The following MYLK variants were observed in gnomAD, a reference collection of about 807,000 sequenced individuals.
The protein encoded by MYLK is myosin light chain kinase, also known as myosin light chain kinase, smooth muscle.
In MYLK, 106 loss-of-function variants were observed where a neutral mutation model predicts 203.4. The observed-to-expected ratio is 0.52, with a 90% confidence interval of 0.45 to 0.61. The LOEUF (loss-of-function observed/expected upper bound fraction) is 0.61. MYLK is among the 20% of genes least tolerant of loss of function. The pLI is 0.00. For missense variants in MYLK, 2,072 were observed against 2,442.3 expected (o/e 0.85, Z 3.20); for synonymous variants, 867 against 959.5 (o/e 0.90, Z 1.78).
chr3:123,812,681 T>C (rs1204074371), intron 3 of MYLK, among the ~76,000 whole-genome samples: 1 of 152,232 alleles, frequency 6.6e-6, no homozygotes, highest in Admixed American at 6.5e-5. Context: ...GATGTCTCTT[T>C]ACTTTGGAAA....
At chr3:123,657,880 C>A (rs1435038821) in intron 23 of MYLK, among the ~76,000 whole-genome samples, 3 of 152,230 alleles carry the variant, frequency 2.0e-5, no homozygotes, top group Non-Finnish European at 4.4e-5. Flanking sequence ...GGTCTGCCTC[C>A]ACTTTCTCTG....
At chr3:123,734,271 T>C (rs2062599589) in intron 9 of MYLK, 49 bp from the exon 10 acceptor site, 1 of 1,457,166 alleles carries the variant, frequency 6.9e-7, no homozygotes, top group South Asian at 1.4e-5. Context: ...GAGGGGAGAA[T>C]AGAATGATCA....
intron 2 of MYLK, among the ~76,000 whole-genome samples, chr3:123,873,470 C>A (rs998218950): frequency 6.6e-6 from 1 of 151,560 alleles, no homozygotes; most frequent in African/African-American, 2.4e-5. Flanking sequence ...AAAATAAAGG[C>A]AAAGAAATTG....
At chr3:123,663,551 G>A (rs1198079740) in intron 23 of MYLK, among the ~76,000 whole-genome samples, 2 of 152,184 alleles carry the variant, frequency 1.3e-5, no homozygotes, top group African/African-American at 4.8e-5. Flanking sequence ...ATCTGGCTAA[G>A]ATGGCGACAC....
intron 3 of MYLK, among the ~76,000 whole-genome samples, chr3:123,811,238 G>A (rs531823613): frequency 4.3e-4 from 65 of 152,254 alleles, no homozygotes; most frequent in South Asian, 1.5e-3. Context: ...ATTTGCACTC[G>A]GGGTGAGGGA....
In MYLK at chr3:123,734,082, G is replaced by A. The variant is rs1431655501; in HGVS notation, c.914C>T (p.Ser305Phe). 8.1e-6 allele frequency: 13 copies of A among 1,612,448 alleles called. No individual in the cohort carries two copies. Among genetic ancestry groups the A allele is most frequent in the East Asian group, 4.5e-5 (2 of 44,840 alleles). Residue 305 changes from serine to phenylalanine, a missense_variant, in exon 10 of 34, where the codon TCC (serine) becomes TTC (phenylalanine). Ser to Phe is a radical substitution (Grantham distance 155). Transcript: ENST00000360304. ...KNCSSPQRGGSPPWAANSQPQ... is the reference protein window; with the variant it reads ...KNCSSPQRGGFPPWAANSQPQ... Reference sequence around the variant, plus strand: ...CTGGCTGTTTGCAGCCCAGGGTGGGGAGCCACCTCTCTGGGGGCTGGAGCA... The same window carrying A: ...CTGGCTGTTTGCAGCCCAGGGTGGGAAGCCACCTCTCTGGGGGCTGGAGCA...
chr3:123,733,554 T>G, intron 10 of MYLK, 133 bp downstream of exon 10: 1 of 1,082,402 alleles, frequency 9.2e-7, no homozygotes. Flanking sequence ...CCTTGTAAGG[T>G]GGTTTTCTAG....
intron 30 of MYLK, among the ~76,000 whole-genome samples, chr3:123,627,242 G>A (rs923806600): frequency 3.3e-5 from 5 of 152,194 alleles, no homozygotes; most frequent in Admixed American, 2.6e-4. Flanking sequence ...CAGGGCAGAC[G>A]TTTCTGGGAT....
chr3:123,701,155 G>A, intron 17 of MYLK, 150 bp from the exon 18 acceptor site: 6 of 1,156,448 alleles, frequency 5.2e-6, no homozygotes, highest in South Asian at 1.3e-5. Context: ...GTTTATAGAT[G>A]GGAACATTGG....
At chr3:123,660,000 C>T (rs913072571) in intron 23 of MYLK, among the ~76,000 whole-genome samples, 6 of 152,186 alleles carry the variant, frequency 3.9e-5, no homozygotes, top group African/African-American at 1.2e-4. Flanking sequence ...TCTTGGTCCT[C>T]GCTTATTTGA....
At position 123,816,145 on chromosome 3, in the gene MYLK, C is replaced by T. The variant is rs532270784; in HGVS notation, c.-4+15403G>A. Among the ~76,000 whole-genome samples the T allele has an allele frequency of 3.9e-5, 6 of 152,362 alleles. No individual in the cohort carries two copies. In the South Asian group the frequency reaches 1.2e-3, roughly 32 times the overall value. On this transcript the variant is annotated intron_variant, in intron 3 of 33. Transcript: ENST00000360304. ...AGGATGGTGGGAGCACTGGTGTGCA[C>T]ATCAGTATGCATTGATGGCATACAT... is the stretch of plus-strand genomic sequence containing the variant.
chr3:123,834,610 G>T (rs2066430230), intron 2 of MYLK, among the ~76,000 whole-genome samples: 1 of 152,044 alleles, frequency 6.6e-6, no homozygotes, highest in East Asian at 1.9e-4. Context: ...TGGGATTATT[G>T]ACTGTCACAA....
intron 23 of MYLK, among the ~76,000 whole-genome samples, chr3:123,661,726 A>G (rs1211058680): frequency 6.6e-6 from 1 of 152,194 alleles, no homozygotes; most frequent in Non-Finnish European, 1.5e-5. Flanking sequence ...AGGGAGAGGA[A>G]CAGAGCAAGA....
At chr3:123,810,519 T>C (rs188218366) in intron 3 of MYLK, among the ~76,000 whole-genome samples, 8 of 152,298 alleles carry the variant, frequency 5.3e-5, no homozygotes, top group Admixed American at 1.3e-4. Context: ...TGGCGCTCAA[T>C]AGAATACAAA....
rs535792836 is a variant in MYLK, at chr3:123,697,980, C to T, written c.3448+2040G>A. Among the ~76,000 whole-genome samples, 35 of 152,302 alleles carry T rather than the reference C, an allele frequency of 2.3e-4. No individual in the cohort carries two copies. The South Asian group carries it at 7.3e-3, about 32-fold the overall frequency. On this transcript the variant is annotated intron_variant, in intron 18 of 33. Coordinates refer to ENST00000360304, the MANE Select transcript of MYLK (RefSeq NM_053025.4). ...CTAAGGGACCAGCAGGGAAAACATA[C>T]TGCAGGCACTCAGGGCACGAGAAGA...
intron 30 of MYLK, among the ~76,000 whole-genome samples, chr3:123,628,771 C>T (rs575834006): frequency 6.6e-6 from 1 of 152,320 alleles, no homozygotes; most frequent in Admixed American, 6.5e-5. Context: ...ACCCAGAGGG[C>T]TTGAGTGCCT....
At chr3:123,878,054 C>T (rs1040738761) in intron 1 of MYLK, among the ~76,000 whole-genome samples, 8 of 152,126 alleles carry the variant, frequency 5.3e-5, no homozygotes, top group Non-Finnish European at 2.9e-5. Context: ...CTCCATTTAC[C>T]CCATTAGCCA....
At chr3:123,775,273 T>A (rs1480402238) in intron 4 of MYLK, among the ~76,000 whole-genome samples, 3 of 152,136 alleles carry the variant, frequency 2.0e-5, no homozygotes, top group Non-Finnish European at 4.4e-5. Context: ...CTTCAAGCAA[T>A]CCTCCCCCAA....
intron 12 of MYLK, among the ~76,000 whole-genome samples, 158 bp downstream of exon 12, chr3:123,725,786 C>G (rs892971403): frequency 2.6e-5 from 4 of 152,232 alleles, no homozygotes; most frequent in African/African-American, 9.6e-5. Context: ...CAGTCGGGAG[C>G]AGGATCCCAG....
Sources: gnomAD v4.1 joint callset for allele counts (sites outside exome capture counted in the v4.1 genomes callset) on GRCh38, gnomAD v4.1.1 for gene constraint, MANE v1.5 for transcripts, NCBI Gene and HGNC (gene_info 2026-07-23, HGNC 2026-07-21) for gene names.